CCDC7: variants seen among roughly 807,000 people sequenced by gnomAD.
The protein encoded by CCDC7 is coiled-coil domain-containing protein 7.
In CCDC7, 183 loss-of-function variants were observed where a neutral mutation model predicts 196.9. That is an observed-to-expected ratio of 0.93 (90% confidence interval 0.82 to 1.05). CCDC7 has a LOEUF of 1.05. Among genes scored for constraint, CCDC7 ranks in the 50% least tolerant of loss-of-function variants. The probability of loss-of-function intolerance (pLI) is 0.00; values close to 1 mark genes in which losing one functional copy is unlikely to be tolerated. For missense variants in CCDC7, 1,540 were observed against 1,482.2 expected (o/e 1.04, Z -0.64); for synonymous variants, 525 against 484.6 (o/e 1.08, Z -1.10).
At chr10:32,558,503 T>C (rs1325452877) in intron 13 of CCDC7, among the ~76,000 whole-genome samples, 4 of 152,164 alleles carry the variant, frequency 2.6e-5, no homozygotes, top group Non-Finnish European at 5.9e-5. Context: ...CTCTAACCTT[T>C]CCAGTGGCTT....
intron 20 of CCDC7, among the ~76,000 whole-genome samples, chr10:32,650,764 C>T (rs921316228): frequency 2.0e-5 from 3 of 152,188 alleles, no homozygotes; most frequent in African/African-American, 7.2e-5. Flanking sequence ...TTGCAACTCC[C>T]TCCTCCAGGC....
intron 21 of CCDC7, among the ~76,000 whole-genome samples, chr10:32,672,467 G>C (rs933602418): frequency 1.3e-5 from 2 of 152,176 alleles, no homozygotes; most frequent in Admixed American, 1.3e-4. Flanking sequence ...TACTTGCAGA[G>C]TGGCTATGTT....
At chr10:32,750,751 A>G (rs2075531391) in intron 28 of CCDC7, among the ~76,000 whole-genome samples, 1 of 152,176 alleles carries the variant, frequency 6.6e-6, no homozygotes, top group African/African-American at 2.4e-5. Flanking sequence ...GGAAGGTAAA[A>G]TAAGAGATGT....
At chr10:32,587,976 G>A (rs1036551093) in intron 18 of CCDC7, among the ~76,000 whole-genome samples, 1 of 152,156 alleles carries the variant, frequency 6.6e-6, no homozygotes, top group Non-Finnish European at 1.5e-5. Context: ...AGGTCATGGA[G>A]GCCTTGCCAC....
intron 16 of CCDC7, among the ~76,000 whole-genome samples, chr10:32,581,817 C>T (rs1344422939): frequency 1.3e-5 from 2 of 151,896 alleles, no homozygotes; most frequent in African/African-American, 2.4e-5. Context: ...TCTTAAAAAA[C>T]ATTTGCTTTC....
intron 28 of CCDC7, among the ~76,000 whole-genome samples, chr10:32,777,485 A>G (rs1382685106): frequency 6.6e-6 from 1 of 152,112 alleles, no homozygotes; most frequent in Non-Finnish European, 1.5e-5. Context: ...AGACTAATTT[A>G]CATTCCCACC....
intron 8 of CCDC7, among the ~76,000 whole-genome samples, chr10:32,489,501 C>T (rs1242740723): frequency 6.6e-6 from 1 of 152,196 alleles, no homozygotes. Context: ...ACTGCAGCTT[C>T]AGGGCCCTGG....
At chr10:32,448,004 T>A (rs1052077126), upstream of CCDC7, among the ~76,000 whole-genome samples, 5 of 152,226 alleles carry the variant, frequency 3.3e-5, no homozygotes, top group Admixed American at 2.6e-4. Context: ...AAGAGAGCAT[T>A]GTGTTCTTCC....
chr10:32,558,860 C>T (rs890802124), intron 13 of CCDC7, among the ~76,000 whole-genome samples: 9 of 152,180 alleles, frequency 5.9e-5, no homozygotes, highest in Non-Finnish European at 1.0e-4. Context: ...CGAAGCAGGG[C>T]GAGGCATTGC....
chr10:32,620,033 C>T (rs1795436347), intron 18 of CCDC7, among the ~76,000 whole-genome samples: 1 of 147,458 alleles, frequency 6.8e-6, no homozygotes, highest in Non-Finnish European at 1.5e-5. Context: ...AGCAATTTTC[C>T]TGCCTCAGCC....
At chr10:32,624,615 T>G (rs918937406) in intron 18 of CCDC7, among the ~76,000 whole-genome samples, 2 of 152,166 alleles carry the variant, frequency 1.3e-5, no homozygotes, top group Non-Finnish European at 2.9e-5. Flanking sequence ...TTCTTATCCA[T>G]AGAGTCATCT....
chr10:32,850,301 G>T (rs1024209395), intron 39 of CCDC7, among the ~76,000 whole-genome samples: 24 of 152,034 alleles, frequency 1.6e-4, no homozygotes, highest in Admixed American at 1.6e-3. Context: ...TAGAAGGGTG[G>T]TTTGGTGGCT....
intron 28 of CCDC7, among the ~76,000 whole-genome samples, chr10:32,739,596 G>T (rs951343): frequency 6.6e-6 from 1 of 150,468 alleles, no homozygotes; most frequent in Non-Finnish European, 1.5e-5. Context: ...ATGATAATTT[G>T]AAAAATTCTG....
chr10:32,488,189 C>T (rs1446759727), intron 8 of CCDC7, among the ~76,000 whole-genome samples: 1 of 152,150 alleles, frequency 6.6e-6, no homozygotes, highest in African/African-American at 2.4e-5. Context: ...CAATGGCGGG[C>T]GCCCCTCCCT....
chr10:32,777,183 C>T (rs78231154), intron 28 of CCDC7, among the ~76,000 whole-genome samples: 6,900 of 152,246 alleles, frequency 0.045, 526 homozygotes, highest in African/African-American at 0.16. Context: ...CCTCCAGCTG[C>T]ATCCATGTTG....
chr10:32,739,179 A>G (rs1592214816), intron 28 of CCDC7, among the ~76,000 whole-genome samples: 1 of 151,976 alleles, frequency 6.6e-6, no homozygotes, highest in African/African-American at 2.4e-5. Flanking sequence ...TTTGATGTCT[A>G]CCATTAATTT....
chr10:32,794,248 C>G lies in CCDC7; in HGVS notation c.3014-10767C>G, dbSNP rs529207045. Among the ~76,000 whole-genome samples, 3 of 152,258 alleles carry G rather than the reference C, an allele frequency of 2.0e-5. No individual in the cohort carries two copies. In the East Asian group the frequency reaches 5.8e-4, roughly 29 times the overall value. The stretch of plus-strand genomic sequence containing the variant: ...GTTGCATCTATGTTGCTGCAAAGGA[C>G]ATGATTTTATTCTTTTTTATAGTTG... On this transcript the variant is annotated intron_variant, in intron 29 of 41. Coordinates refer to ENST00000639629, the Ensembl canonical transcript of CCDC7.
chr10:32,567,408 C>T (rs1273537929), intron 14 of CCDC7, among the ~76,000 whole-genome samples: 1 of 151,626 alleles, frequency 6.6e-6, no homozygotes, highest in Non-Finnish European at 1.5e-5. Flanking sequence ...ATAATTAGAG[C>T]CTTAAAAATA....
chr10:32,767,887 A>G (rs1013046338), intron 28 of CCDC7, among the ~76,000 whole-genome samples: 6 of 152,156 alleles, frequency 3.9e-5, no homozygotes, highest in African/African-American at 1.4e-4. Flanking sequence ...GAATCCAGAA[A>G]TATATCAGAG....
Sources: allele counts gnomAD v4.1 joint callset (sites outside exome capture counted in the v4.1 genomes callset), GRCh38; gene constraint gnomAD v4.1.1; transcripts MANE v1.5; gene names NCBI Gene and HGNC (gene_info 2026-07-23, HGNC 2026-07-21).